The following DIP2B variants were observed in gnomAD, a reference collection of about 807,000 sequenced individuals.
DIP2B encodes disco-interacting protein 2 homolog B.
A neutral mutation model predicts 198.0 loss-of-function variants in DIP2B; 76 were observed. That is an observed-to-expected ratio of 0.38 (90% confidence interval 0.32 to 0.46). The LOEUF is 0.46. Among genes scored for constraint, DIP2B ranks in the 20% least tolerant of loss-of-function variants. The probability of loss-of-function intolerance (pLI) is 0.99; values close to 1 mark genes in which losing one functional copy is unlikely to be tolerated. For missense variants in DIP2B, 1,559 were observed against 1,978.4 expected, an observed-to-expected ratio of 0.79 and a Z score of 4.02; for synonymous variants, 701 against 739.1, an observed-to-expected ratio of 0.95 and a Z score of 0.84.
At chr12:50,509,256 G>A (rs1957994160) in intron 1 of DIP2B, among the ~76,000 whole-genome samples, 1 of 152,186 alleles carries the variant, frequency 6.6e-6, no homozygotes, top group Non-Finnish European at 1.5e-5. Flanking sequence ...CTTTATCGTT[G>A]TGAGAGATAG....
intron 1 of DIP2B, among the ~76,000 whole-genome samples, chr12:50,583,843 G>A (rs772357522): frequency 2.0e-5 from 3 of 152,000 alleles, no homozygotes; most frequent in Non-Finnish European, 4.4e-5. Flanking sequence ...ACAACTCTTG[G>A]AAGAGTTGTC....
At chr12:50,607,834 C>T (rs1958996804) in intron 1 of DIP2B, among the ~76,000 whole-genome samples, 1 of 152,172 alleles carries the variant, frequency 6.6e-6, no homozygotes, top group Non-Finnish European at 1.5e-5. Flanking sequence ...CAGTCTGTCA[C>T]CCAGGCTGGA....
At chr12:50,572,731 A>G (rs1193432065) in intron 1 of DIP2B, among the ~76,000 whole-genome samples, 1 of 152,226 alleles carries the variant, frequency 6.6e-6, no homozygotes, top group Non-Finnish European at 1.5e-5. Context: ...TTTCCTTAAA[A>G]TGTTGGTTAC....
At chr12:50,611,068 G>C (rs1481452299) in intron 1 of DIP2B, among the ~76,000 whole-genome samples, 4 of 152,154 alleles carry the variant, frequency 2.6e-5, no homozygotes, top group Non-Finnish European at 4.4e-5. Flanking sequence ...AAAGTGCTGG[G>C]ATTACAGGCG....
At chr12:50,638,022 T>C (rs531080314) in intron 2 of DIP2B, among the ~76,000 whole-genome samples, 1 of 152,366 alleles carries the variant, frequency 6.6e-6, no homozygotes, top group African/African-American at 2.4e-5. Flanking sequence ...AAATGTGTAC[T>C]TTTTATTGTT....
intron 1 of DIP2B, among the ~76,000 whole-genome samples, chr12:50,613,111 A>G (rs1959045447): frequency 6.6e-6 from 1 of 152,220 alleles, no homozygotes; most frequent in African/African-American, 2.4e-5. Context: ...TTAGAGAGGC[A>G]GCACTGAGAG....
chr12:50,517,709 T>A (rs1958077990), intron 1 of DIP2B, among the ~76,000 whole-genome samples: 1 of 152,248 alleles, frequency 6.6e-6, no homozygotes, highest in African/African-American at 2.4e-5. Flanking sequence ...ATATTTGTTG[T>A]CTGCTCTCTA....
At chr12:50,648,255 T>A (rs1938385298) in intron 3 of DIP2B, among the ~76,000 whole-genome samples, 1 of 152,224 alleles carries the variant, frequency 6.6e-6, no homozygotes, top group Non-Finnish European at 1.5e-5. Context: ...GGTAAAAGTA[T>A]TATTTCTTTT....
At chr12:50,734,269 A>G (rs1565886075) in intron 33 of DIP2B, 73 bp downstream of exon 33, 4 of 1,456,362 alleles carry the variant, frequency 2.7e-6, no homozygotes, top group Non-Finnish European at 2.9e-6. Context: ...CAAAGCCAGC[A>G]TTTTCCCTCA....
intron 2 of DIP2B, 62 bp from the exon 3 acceptor site, chr12:50,640,662 G>A (rs1938239364): frequency 1.9e-6 from 3 of 1,582,072 alleles, no homozygotes; most frequent in African/African-American, 1.3e-5. Flanking sequence ...TGCTTAAAGT[G>A]CTTTAGAAAA....
At chr12:50,551,237 A>C (rs1958424493) in intron 1 of DIP2B, among the ~76,000 whole-genome samples, 1 of 152,186 alleles carries the variant, frequency 6.6e-6, no homozygotes, top group Non-Finnish European at 1.5e-5. Context: ...CAGCCTGGCC[A>C]ACATGGCGAA....
chr12:50,620,632 T>C (rs548674604), intron 1 of DIP2B, among the ~76,000 whole-genome samples: 2 of 140,962 alleles, frequency 1.4e-5, no homozygotes, highest in South Asian at 4.7e-4. Flanking sequence ...CCTGTATTTA[T>C]TTCTCAAAAA....
chr12:50,639,198 C>T (rs561209643), intron 2 of DIP2B, among the ~76,000 whole-genome samples: 2 of 151,366 alleles, frequency 1.3e-5, no homozygotes, highest in Non-Finnish European at 2.9e-5. Flanking sequence ...AAGTGATTCT[C>T]CTGCCTCAGC....
chr12:50,557,833 T>C (rs1361236740), intron 1 of DIP2B, among the ~76,000 whole-genome samples: 1 of 152,188 alleles, frequency 6.6e-6, no homozygotes, highest in Non-Finnish European at 1.5e-5. Flanking sequence ...CACTACTGAT[T>C]GTTGAATCAT....
At chr12:50,715,091 G>A (rs962706788) in intron 23 of DIP2B, among the ~76,000 whole-genome samples, 2 of 152,162 alleles carry the variant, frequency 1.3e-5, no homozygotes, top group Admixed American at 1.3e-4. Context: ...TGCAGCTCAG[G>A]CAAGAAACAA....
intron 22 of DIP2B, among the ~76,000 whole-genome samples, chr12:50,712,620 G>A (rs1592138752): frequency 1.4e-5 from 2 of 147,470 alleles, no homozygotes; most frequent in African/African-American, 5.0e-5. Flanking sequence ...ACAAACAAAC[G>A]AAAAAGGGCT....
At chr12:50,631,743 C>T (rs981165105) in intron 2 of DIP2B, among the ~76,000 whole-genome samples, 2 of 152,134 alleles carry the variant, frequency 1.3e-5, no homozygotes, top group African/African-American at 2.4e-5. Context: ...AAATTTTCTT[C>T]TTCTTAAAGC....
chr12:50,708,067 G>A (rs943505709), intron 21 of DIP2B, among the ~76,000 whole-genome samples: 1 of 150,972 alleles, frequency 6.6e-6, no homozygotes, highest in Admixed American at 6.6e-5. Flanking sequence ...TCCAATGTCC[G>A]CTCCTCAGGG....
At chr12:50,579,152 T>C (rs1958691421) in intron 1 of DIP2B, among the ~76,000 whole-genome samples, 1 of 152,126 alleles carries the variant, frequency 6.6e-6, no homozygotes, top group African/African-American at 2.4e-5. Flanking sequence ...CATTTCTACT[T>C]GAAAGAATAA....
Sources: allele counts gnomAD v4.1 joint callset (sites outside exome capture counted in the v4.1 genomes callset), GRCh38; gene constraint gnomAD v4.1.1; transcripts MANE v1.5; gene names NCBI Gene and HGNC (gene_info 2026-07-23, HGNC 2026-07-21).